Variants in ATP9A observed in about 807,000 individuals in gnomAD.
ATP9A encodes the protein ATPase phospholipid transporting 9A, also known as probable phospholipid-transporting ATPase IIA.
Under a neutral mutation model 144.1 loss-of-function variants are expected in ATP9A, and 52 were observed. That is an observed-to-expected ratio of 0.36 (90% confidence interval 0.29 to 0.45). ATP9A has a LOEUF of 0.45. Among genes scored for constraint, ATP9A ranks in the 20% least tolerant of loss-of-function variants. The pLI is 1.00. For synonymous variants in ATP9A, 582 were observed against 557.4 expected (o/e 1.04, Z -0.62); for missense variants, 947 against 1,392.7 (o/e 0.68, Z 5.09).
intron 4 of ATP9A, among the ~76,000 whole-genome samples, chr20:51,708,226 T>C (rs913223708): frequency 1.4e-5 from 2 of 147,032 alleles, no homozygotes; most frequent in South Asian, 4.3e-4. Context: ...GTGAGGCGGG[T>C]GCCATCACTT....
intron 1 of ATP9A, among the ~76,000 whole-genome samples, chr20:51,744,549 C>T (rs535458467): frequency 6.6e-6 from 1 of 152,332 alleles, no homozygotes; most frequent in East Asian, 1.9e-4. Context: ...AGATAGTCTG[C>T]TAACCAGATG....
intron 9 of ATP9A, among the ~76,000 whole-genome samples, chr20:51,677,294 G>A (rs1257276452): frequency 6.6e-6 from 1 of 152,130 alleles, no homozygotes; most frequent in Non-Finnish European, 1.5e-5. Flanking sequence ...ATGATCTGCG[G>A]CTACACTGAC....
intron 1 of ATP9A, among the ~76,000 whole-genome samples, chr20:51,743,732 G>A (rs868540001): frequency 0.091 from 39 of 428 alleles, 1 homozygote; most frequent in East Asian, 0.36. Flanking sequence ...AAATTAGGCC[G>A]GGCACGGTCG....
At position 51,712,968 on chromosome 20, in the gene ATP9A, C is replaced by T. The variant is rs913600973; in HGVS notation, c.434G>A (p.Arg145Gln). Residue 145 changes from arginine (R) to glutamine (Q), a missense_variant and splice_region_variant, in exon 4 of 28, where the codon CGA (arginine) becomes CAA (glutamine). Physicochemically the swap from Arg to Gln is conservative, Grantham distance 43. Transcript: ENST00000338821. The part of the protein sequence containing the change: ...NSQVYSRLTA[R>Q]GTVKVKSSNI... ...GGCCCAGGAGCCAGAAGGCTGACCT[C>T]GTGCTGTGAGCCGGCTGTAGACCTG... is the stretch of plus-strand genomic sequence containing the variant. 1.2e-6 allele frequency: 2 copies of T among 1,607,784 alleles called. No homozygotes were observed. The highest frequency in any genetic ancestry group is 1.7e-6 in the Non-Finnish European group (2 of 1,177,124).
intron 14 of ATP9A, among the ~76,000 whole-genome samples, chr20:51,640,743 T>A (rs1188211500): frequency 1.3e-5 from 2 of 151,932 alleles, no homozygotes; most frequent in African/African-American, 4.8e-5. Context: ...TTGATACAAA[T>A]AGCAAAGAGG....
At chr20:51,648,233 AAACC>A (rs981303235) in intron 14 of ATP9A, among the ~76,000 whole-genome samples, 14 of 152,282 alleles carry the variant, frequency 9.2e-5, no homozygotes, top group African/African-American at 3.4e-4. Flanking sequence ...ATAAAAAAAC[AAACC>A]AACCAACCTC....
intron 15 of ATP9A, among the ~76,000 whole-genome samples, chr20:51,638,071 T>TTTTATA (rs2077300953): frequency 5.9e-5 from 2 of 34,162 alleles, no homozygotes; most frequent in African/African-American, 8.6e-5. Flanking sequence ...TTTCATCATT[T>TTTTATA]TATATATATA....
chr20:51,718,240 T>C (rs1421112222), intron 3 of ATP9A, among the ~76,000 whole-genome samples: 1 of 152,076 alleles, frequency 6.6e-6, no homozygotes, highest in Non-Finnish European at 1.5e-5. Flanking sequence ...ATATGGTTTA[T>C]GTAAGGTAAG....
Position 51,765,815 on chromosome 20 carries a change from G to C in ATP9A, c.68+2487C>G, listed in dbSNP as rs571886589. Reference sequence around the variant, plus strand: ...CTACTAAAAATACAAAGATTAGCCGGGAGTGGTAGTGGGCACCTGTAATCC... The same window carrying C: ...CTACTAAAAATACAAAGATTAGCCGCGAGTGGTAGTGGGCACCTGTAATCC... On this transcript the variant is annotated intron_variant, in intron 1 of 27. Coordinates refer to ENST00000338821, the MANE Select transcript of ATP9A (RefSeq NM_006045.3). Among the ~76,000 whole-genome samples the C allele has an allele frequency of 3.9e-5, 6 of 152,106 alleles. No homozygotes were observed. The South Asian group carries it at 1.2e-3, about 32-fold the overall frequency.
At chr20:51,623,813 GAAAGA>G (rs1396662069) in intron 18 of ATP9A, among the ~76,000 whole-genome samples, 1 of 147,486 alleles carries the variant, frequency 6.8e-6, no homozygotes, top group Non-Finnish European at 1.5e-5. Flanking sequence ...AAGAAAGAAA[GAAAGA>G]AAAGAAAAGA....
At chr20:51,646,059 G>A (rs954675696) in intron 14 of ATP9A, among the ~76,000 whole-genome samples, 3 of 152,182 alleles carry the variant, frequency 2.0e-5, no homozygotes, top group Non-Finnish European at 2.9e-5. Flanking sequence ...GGGCGGGGAG[G>A]GGATCCTGTC....
chr20:51,753,572 T>C (rs1351137892), intron 1 of ATP9A, among the ~76,000 whole-genome samples: 1 of 152,140 alleles, frequency 6.6e-6, no homozygotes, highest in East Asian at 1.9e-4. Flanking sequence ...GCTAAAAGGT[T>C]TGTGTTCATT....
chr20:51,705,482 CAA>C (rs2077611109), intron 4 of ATP9A, among the ~76,000 whole-genome samples: 1 of 152,182 alleles, frequency 6.6e-6, no homozygotes, highest in African/African-American at 2.4e-5. Flanking sequence ...TGAAGATACG[CAA>C]AAGAGCATAG....
At chr20:51,629,686 A>T (rs2077263088) in intron 15 of ATP9A, among the ~76,000 whole-genome samples, 1 of 152,188 alleles carries the variant, frequency 6.6e-6, no homozygotes, top group South Asian at 2.1e-4. Flanking sequence ...CTAACTAAGG[A>T]CTTGCCTAGA....
intron 9 of ATP9A, among the ~76,000 whole-genome samples, chr20:51,681,770 G>T (rs1245026914): frequency 6.6e-6 from 1 of 152,232 alleles, no homozygotes; most frequent in South Asian, 2.1e-4. Context: ...GTGGGCACAT[G>T]CATCTGTCTC....
intron 1 of ATP9A, among the ~76,000 whole-genome samples, chr20:51,751,247 T>C (rs971818812): frequency 2.0e-5 from 3 of 150,126 alleles, no homozygotes; most frequent in Non-Finnish European, 4.4e-5. Flanking sequence ...TTTTAACGTT[T>C]CTGGGTTTTT....
chr20:51,614,550 C>G (rs1180818157), intron 22 of ATP9A, among the ~76,000 whole-genome samples: 2 of 152,180 alleles, frequency 1.3e-5, no homozygotes, highest in Non-Finnish European at 2.9e-5. Flanking sequence ...ATCCGCCCAC[C>G]TCAGCCTCCC....
intron 13 of ATP9A, among the ~76,000 whole-genome samples, chr20:51,661,268 A>T (rs917003718): frequency 1.3e-4 from 20 of 152,222 alleles, no homozygotes; most frequent in Non-Finnish European, 1.6e-4. Flanking sequence ...GTCACCAGGA[A>T]TGCCAGTTTT....
intron 12 of ATP9A, 65 bp downstream of exon 12, chr20:51,671,050 C>T: frequency 6.3e-7 from 1 of 1,578,532 alleles, no homozygotes; most frequent in Admixed American, 1.7e-5. Context: ...CCAAGAATTT[C>T]AGCCAAAGCC....
Sources: gnomAD v4.1 joint callset for allele counts (sites outside exome capture counted in the v4.1 genomes callset) on GRCh38, gnomAD v4.1.1 for gene constraint, MANE v1.5 for transcripts, NCBI Gene and HGNC (gene_info 2026-07-23, HGNC 2026-07-21) for gene names.